The following SEMA5A variants were observed in gnomAD, a reference collection of about 807,000 sequenced individuals.
The protein encoded by SEMA5A is semaphorin 5A, also known as semaphorin-5A.
In SEMA5A, 55 loss-of-function variants were observed where a neutral mutation model predicts 135.5. The ratio of observed to expected loss-of-function variants is 0.41; its 90% CI spans 0.33 to 0.51. SEMA5A has a LOEUF of 0.51. Ranked by LOEUF, SEMA5A falls within the 20% of genes least tolerant of loss-of-function variation. The pLI, the probability that SEMA5A is intolerant of heterozygous loss-of-function variation, is 0.37. For synonymous variants in SEMA5A, 580 were observed against 546.5 expected (o/e 1.06, Z -0.85); for missense variants, 1,290 against 1,419.9 (o/e 0.91, Z 1.47).
intron 4 of SEMA5A, 144 bp downstream of exon 4, chr5:9,337,569 A>T (rs181715269): frequency 3.5e-5 from 20 of 571,824 alleles, no homozygotes; most frequent in African/African-American, 2.3e-4. Context: ...AGTATATTTT[A>T]TGACACTCAT....
chr5:9,148,577 A>C (rs1742463718), intron 12 of SEMA5A, among the ~76,000 whole-genome samples: 1 of 152,162 alleles, frequency 6.6e-6, no homozygotes, highest in Non-Finnish European at 1.5e-5. Context: ...GGTTCTGATG[A>C]GGTGTAAGGC....
At chr5:9,226,727 ATTT>A in intron 7 of SEMA5A, 139 bp downstream of exon 7, 1 of 513,896 alleles carries the variant, frequency 1.9e-6, no homozygotes. Context: ...TAAATCAAAT[ATTT>A]ATTCAATTTG....
At chr5:9,265,551 T>C (rs1462651406) in intron 5 of SEMA5A, 1 of 456,278 alleles carries the variant, frequency 2.2e-6, no homozygotes, top group Admixed American at 2.3e-5. Flanking sequence ...GCTGTGAGTA[T>C]ATGTGACTCA....
At chr5:9,128,229 T>C (rs1036690128) in intron 13 of SEMA5A, among the ~76,000 whole-genome samples, 3 of 152,150 alleles carry the variant, frequency 2.0e-5, no homozygotes, top group Non-Finnish European at 4.4e-5. Flanking sequence ...ACAGGACATA[T>C]CTGAGGCCAG....
At chr5:9,310,973 G>C (rs994064929) in intron 5 of SEMA5A, among the ~76,000 whole-genome samples, 1 of 151,652 alleles carries the variant, frequency 6.6e-6, no homozygotes. Context: ...AATCTAAACC[G>C]AAAAATTCCC....
At chr5:9,505,421 T>C (rs389520) in intron 1 of SEMA5A, among the ~76,000 whole-genome samples, 147,836 of 152,340 alleles carry the variant, frequency 0.97, 71,965 homozygotes, top group Non-Finnish European at 1. Context: ...TTATTTTCAA[T>C]AATTAACAGT....
intron 1 of SEMA5A, among the ~76,000 whole-genome samples, chr5:9,457,125 T>C (rs1285437814): frequency 6.6e-6 from 1 of 152,226 alleles, no homozygotes; most frequent in East Asian, 1.9e-4. Context: ...CTGTTTGTAC[T>C]AACCACGTGC....
rs192566883 is a variant in SEMA5A, at chr5:9,330,753, A to T, written c.224+6960T>A. 1.8e-3 allele frequency among the ~76,000 whole-genome samples: 267 copies of T among 152,306 alleles called. 4 individuals are homozygous for T. Among genetic ancestry groups the T allele is most frequent in the African/African-American group, 5.8e-3 (242 of 41,582 alleles). ...GAACAAGTAGAAGAAAGAGAGAGAT[A>T]AGCCCAGAGAATCATAAAGGACATA... is the stretch of plus-strand genomic sequence containing the variant. On this transcript the variant is annotated intron_variant, in intron 4 of 22. Coordinates refer to ENST00000382496, the MANE Select transcript of SEMA5A (RefSeq NM_003966.3).
intron 5 of SEMA5A, among the ~76,000 whole-genome samples, chr5:9,297,008 C>G (rs1037976280): frequency 1.3e-5 from 2 of 151,436 alleles, no homozygotes; most frequent in Non-Finnish European, 2.9e-5. Flanking sequence ...GGGAGACAAC[C>G]AAAAAGGTGC....
intron 3 of SEMA5A, among the ~76,000 whole-genome samples, chr5:9,364,490 C>T (rs1354813862): frequency 3.3e-5 from 5 of 152,114 alleles, no homozygotes; most frequent in Non-Finnish European, 7.4e-5. Flanking sequence ...TAAAGCTTTT[C>T]CCAATGAGAG....
intron 8 of SEMA5A, among the ~76,000 whole-genome samples, chr5:9,216,881 G>A (rs553502584): frequency 6.6e-6 from 1 of 152,222 alleles, no homozygotes; most frequent in East Asian, 1.9e-4. Flanking sequence ...GTCACTTCAT[G>A]TGACACAGGT....
intron 10 of SEMA5A, among the ~76,000 whole-genome samples, chr5:9,192,749 T>C (rs1217503586): frequency 6.6e-6 from 1 of 152,222 alleles, no homozygotes. Context: ...CTGAGCATGA[T>C]GTTACGTGTG....
At chr5:9,108,716 G>T (rs560593145) in intron 15 of SEMA5A, among the ~76,000 whole-genome samples, 1 of 152,186 alleles carries the variant, frequency 6.6e-6, no homozygotes, top group Admixed American at 6.5e-5. Context: ...TCTCATTCTT[G>T]AATCAAATAA....
intron 8 of SEMA5A, among the ~76,000 whole-genome samples, chr5:9,211,623 G>C (rs1012063901): frequency 6.6e-6 from 1 of 152,138 alleles, no homozygotes; most frequent in African/African-American, 2.4e-5. Flanking sequence ...CCAAGGAGAA[G>C]CACTGAGCTC....
At chr5:9,094,167 C>G (rs1262427759) in intron 16 of SEMA5A, among the ~76,000 whole-genome samples, 1 of 152,160 alleles carries the variant, frequency 6.6e-6, no homozygotes, top group African/African-American at 2.4e-5. Flanking sequence ...TGCACCAATT[C>G]TTTACACACA....
intron 11 of SEMA5A, among the ~76,000 whole-genome samples, chr5:9,182,468 C>G (rs1744574637): frequency 6.6e-6 from 1 of 152,084 alleles, no homozygotes; most frequent in Admixed American, 6.5e-5. Context: ...CCTGATTGTC[C>G]CCTCACCCAT....
intron 1 of SEMA5A, among the ~76,000 whole-genome samples, chr5:9,534,953 G>A (rs1045209620): frequency 1.3e-5 from 2 of 152,186 alleles, no homozygotes; most frequent in Non-Finnish European, 2.9e-5. Flanking sequence ...GTCCTGACTT[G>A]TGTAAGACTT....
chr5:9,062,658 G>A (rs909572916), intron 18 of SEMA5A, among the ~76,000 whole-genome samples: 3 of 152,112 alleles, frequency 2.0e-5, no homozygotes, highest in African/African-American at 4.8e-5. Flanking sequence ...TAGGGATGAG[G>A]TCTGGCTATA....
At position 9,202,224 on chromosome 5, in the gene SEMA5A, T is replaced by C. The variant is rs774380556; in HGVS notation, c.663A>G (p.Ser221=). 6.2e-7 allele frequency: 1 copy of C among 1,613,148 alleles called. No individual in the cohort carries two copies. Among genetic ancestry groups the C allele is most frequent in the East Asian group, 2.2e-5 (1 of 44,864 alleles). Residue 221 remains serine (S), a synonymous_variant, in exon 9 of 23, where the codon TCA becomes TCG. Coordinates refer to ENST00000382496, the MANE Select transcript of SEMA5A (RefSeq NM_003966.3). ...AGGTAAAATTTCCGATGTCATAAGATGACACAAAGTTTGGCTCTGGAAACA... is the reference window on the plus strand; with the variant it reads ...AGGTAAAATTTCCGATGTCATAAGACGACACAAAGTTTGGCTCTGGAAACA... ...SKWLNEPNFV[S]SYDIGNFTYF...
Sources: allele counts gnomAD v4.1 joint callset (sites outside exome capture counted in the v4.1 genomes callset), GRCh38; gene constraint gnomAD v4.1.1; transcripts MANE v1.5; gene names NCBI Gene and HGNC (gene_info 2026-07-23, HGNC 2026-07-21).